FBXL17: variants seen among roughly 807,000 people sequenced by gnomAD.
The protein encoded by FBXL17 is F-box/LRR-repeat protein 17.
Under a neutral mutation model 66.2 loss-of-function variants are expected in FBXL17, and 22 were observed. The observed-to-expected ratio is 0.33, with a 90% CI of 0.24 to 0.47. The LOEUF is 0.47. Ranked by LOEUF, FBXL17 falls within the 20% of genes least tolerant of loss-of-function variation. The probability of loss-of-function intolerance (pLI) is 1.00; values close to 1 mark genes in which losing one functional copy is unlikely to be tolerated. For missense variants in FBXL17, 878 were observed against 948.2 expected, an observed-to-expected ratio of 0.93 and a Z score of 0.97; for synonymous variants, 474 against 400.5, an observed-to-expected ratio of 1.18 and a Z score of -2.19.
chr5:107,987,922 T>C (rs948324187), intron 7 of FBXL17, among the ~76,000 whole-genome samples: 14 of 152,112 alleles, frequency 9.2e-5, no homozygotes, highest in Non-Finnish European at 1.6e-4. Context: ...TTGATGCTGA[T>C]AGCTGAGACG....
At chr5:108,051,061 C>T (rs1467271472) in intron 6 of FBXL17, among the ~76,000 whole-genome samples, 1 of 152,150 alleles carries the variant, frequency 6.6e-6, no homozygotes, top group African/African-American at 2.4e-5. Flanking sequence ...CCTGAATAGA[C>T]CAATAACAAG....
intron 7 of FBXL17, among the ~76,000 whole-genome samples, chr5:107,940,647 T>C (rs924349954): frequency 6.6e-6 from 1 of 152,102 alleles, no homozygotes; most frequent in African/African-American, 2.4e-5. Context: ...GAGAGTAGCA[T>C]GAGCTTATCT....
intron 6 of FBXL17, among the ~76,000 whole-genome samples, chr5:108,136,082 A>T (rs1334664688): frequency 6.6e-6 from 1 of 152,132 alleles, no homozygotes; most frequent in Non-Finnish European, 1.5e-5. Flanking sequence ...ACTTTTGAAG[A>T]AAACATTTTT....
intron 4 of FBXL17, among the ~76,000 whole-genome samples, chr5:108,284,746 AGTAAGCT>A (rs748202160): frequency 6.6e-6 from 1 of 151,912 alleles, no homozygotes; most frequent in African/African-American, 2.4e-5. Context: ...CTGAGCCTTC[AGTAAGCT>A]GTAATCTTTT....
chr5:107,949,969 G>C (rs1248522779), intron 7 of FBXL17, among the ~76,000 whole-genome samples: 1 of 152,132 alleles, frequency 6.6e-6, no homozygotes, highest in Non-Finnish European at 1.5e-5. Context: ...TAATTTCCAT[G>C]TTTCCATCTC....
intron 7 of FBXL17, among the ~76,000 whole-genome samples, chr5:108,015,150 T>G (rs1382744380): frequency 1.3e-5 from 2 of 151,956 alleles, no homozygotes; most frequent in African/African-American, 4.8e-5. Flanking sequence ...ATAAATCTGG[T>G]AAAGGGGAAC....
At chr5:108,084,787 T>TA (rs1748909771) in intron 6 of FBXL17, among the ~76,000 whole-genome samples, 2 of 152,286 alleles carry the variant, frequency 1.3e-5, no homozygotes, top group East Asian at 3.9e-4. Flanking sequence ...TGATGTTTTG[T>TA]AAAAAACCTA....
At chr5:108,080,348 C>T (rs1257346262) in intron 6 of FBXL17, among the ~76,000 whole-genome samples, 2 of 152,146 alleles carry the variant, frequency 1.3e-5, no homozygotes, top group African/African-American at 4.8e-5. Context: ...ACCAAATTGC[C>T]ATCACGGAAA....
chr5:107,980,664 A>ATTTTTTTTTTTTTTTTTTTTTTTT (rs57472813), intron 7 of FBXL17, among the ~76,000 whole-genome samples: 1 of 62,104 alleles, frequency 1.6e-5, no homozygotes, highest in African/African-American at 1.0e-4. Flanking sequence ...ATATATATAT[A>ATTTTTTTTTTTTTTTTTTTTTTTT]TTTTTTTTTT....
chr5:108,226,257 C>T (rs1299422240), intron 4 of FBXL17, among the ~76,000 whole-genome samples: 2 of 152,180 alleles, frequency 1.3e-5, no homozygotes, highest in East Asian at 3.8e-4. Flanking sequence ...GTCCTATGAC[C>T]CGGAAAACCA....
intron 6 of FBXL17, among the ~76,000 whole-genome samples, chr5:108,149,370 A>G (rs1427705424): frequency 6.6e-6 from 1 of 152,220 alleles, no homozygotes; most frequent in Non-Finnish European, 1.5e-5. Context: ...CATTTGAAGA[A>G]TATCTTAGCT....
intron 5 of FBXL17, among the ~76,000 whole-genome samples, chr5:108,216,974 C>T (rs1580632700): frequency 6.6e-6 from 1 of 152,162 alleles, no homozygotes; most frequent in Non-Finnish European, 1.5e-5. Context: ...GTTTCTTCTC[C>T]TTTTGTGGGC....
chr5:107,966,453 G>A (rs1752144451), intron 7 of FBXL17, among the ~76,000 whole-genome samples: 1 of 152,114 alleles, frequency 6.6e-6, no homozygotes, highest in Admixed American at 6.6e-5. Context: ...GACAGAGAAT[G>A]TTTCGAGGAA....
chr5:108,101,000 G>C (rs1580441544), intron 6 of FBXL17, among the ~76,000 whole-genome samples: 1 of 152,190 alleles, frequency 6.6e-6, no homozygotes, highest in Non-Finnish European at 1.5e-5. Flanking sequence ...CTTTCAGAGG[G>C]AAGACCTTTT....
chr5:107,883,435 G>A (rs1050618993), intron 7 of FBXL17, among the ~76,000 whole-genome samples: 3 of 151,870 alleles, frequency 2.0e-5, no homozygotes, highest in African/African-American at 7.3e-5. Flanking sequence ...GGGAATATAA[G>A]ATTCATGGAG....
chr5:108,295,033 G>A (rs1258697624), intron 4 of FBXL17, among the ~76,000 whole-genome samples: 1 of 151,762 alleles, frequency 6.6e-6, no homozygotes, highest in Non-Finnish European at 1.5e-5. Flanking sequence ...ACACATTTTG[G>A]TTAGTAGTTA....
At chr5:107,999,484 CCA>C (rs1554055759) in intron 7 of FBXL17, among the ~76,000 whole-genome samples, 57 of 137,726 alleles carry the variant, frequency 4.1e-4, no homozygotes, top group South Asian at 1.2e-3. Context: ...CACACACACA[CCA>C]CACACACACA....
intron 7 of FBXL17, among the ~76,000 whole-genome samples, chr5:107,913,072 T>C (rs1215156236): frequency 1.3e-5 from 2 of 152,106 alleles, no homozygotes; most frequent in Admixed American, 1.3e-4. Flanking sequence ...ATTTATTTTT[T>C]TATCTTAACA....
intron 4 of FBXL17, chr5:108,297,742 C>T (rs1382585959): frequency 3.3e-6 from 2 of 613,796 alleles, no homozygotes; most frequent in African/African-American, 4.0e-5. Context: ...AAATAAACTT[C>T]AAAAAAAGTT....
Sources: allele counts gnomAD v4.1 joint callset (sites outside exome capture counted in the v4.1 genomes callset), GRCh38; gene constraint gnomAD v4.1.1; transcripts MANE v1.5; gene names NCBI Gene and HGNC (gene_info 2026-07-23, HGNC 2026-07-21).